Variants in GPAT3 observed in about 807,000 individuals in gnomAD.
GPAT3 encodes 1-AGP acyltransferase 9.
In GPAT3, 53 loss-of-function variants were observed where a neutral mutation model predicts 58.8. The observed-to-expected ratio is 0.90, with a 90% confidence interval of 0.72 to 1.13. The LOEUF (loss-of-function observed/expected upper bound fraction) is 1.13, where lower values mean the gene tolerates loss of function less well. GPAT3 is among the 50% of genes most tolerant of loss of function. GPAT3 has a pLI of 0.00. For missense variants in GPAT3, 511 were observed against 527.6 expected (o/e 0.97, Z 0.31); for synonymous variants, 197 against 187.4 (o/e 1.05, Z -0.42).
At chr4:83,556,803 C>G (rs1724959040) in intron 2 of GPAT3, among the ~76,000 whole-genome samples, 1 of 151,398 alleles carries the variant, frequency 6.6e-6, no homozygotes, top group South Asian at 2.1e-4. Context: ...AAAAGTAAAT[C>G]TATTGCTTCT....
chr4:83,548,416 A>G (rs1267132258), intron 2 of GPAT3, among the ~76,000 whole-genome samples: 1 of 152,222 alleles, frequency 6.6e-6, no homozygotes, highest in Non-Finnish European at 1.5e-5. Context: ...GAATCGGCTC[A>G]TAGCTTTGGT....
intron 2 of GPAT3, among the ~76,000 whole-genome samples, chr4:83,553,728 G>A (rs1560606484): frequency 6.6e-6 from 1 of 151,922 alleles, no homozygotes; most frequent in Admixed American, 6.6e-5. Flanking sequence ...GTGAAACCCT[G>A]TCTCTACAAA....
intron 2 of GPAT3, among the ~76,000 whole-genome samples, chr4:83,579,069 T>C (rs1441015989): frequency 0.04 from 1,546 of 38,500 alleles, 174 homozygotes; most frequent in Admixed American, 0.048. Flanking sequence ...TTTCTTTCTT[T>C]CTTTCTTTCT....
At chr4:83,583,354 A>C (rs1268050596) in intron 3 of GPAT3, among the ~76,000 whole-genome samples, 1 of 151,776 alleles carries the variant, frequency 6.6e-6, no homozygotes, top group Non-Finnish European at 1.5e-5. Context: ...TAGAGCTTCC[A>C]TTTATTCTGT....
chr4:83,574,972 G>A (rs986867467), intron 2 of GPAT3, among the ~76,000 whole-genome samples: 1 of 150,266 alleles, frequency 6.7e-6, no homozygotes, highest in African/African-American at 2.4e-5. Context: ...GCCCCCTGGG[G>A]TTCACGCCAT....
chr4:83,598,751 CTTTTTTT>C (rs70965361), intron 11 of GPAT3, 28 bp downstream of exon 11: 3,606 of 149,338 alleles, frequency 0.024, 1 homozygote, highest in South Asian at 0.039. Flanking sequence ...AGTACTATCA[CTTTTTTT>C]TTTTTTTTTT....
intron 1 of GPAT3, among the ~76,000 whole-genome samples, chr4:83,538,554 T>G (rs917775486): frequency 2.0e-5 from 3 of 152,200 alleles, no homozygotes; most frequent in Admixed American, 6.5e-5. Context: ...ATACCCTGTG[T>G]AAGAATGGTG....
At chr4:83,578,986 T>C (rs1420764240) in intron 2 of GPAT3, among the ~76,000 whole-genome samples, 4 of 131,862 alleles carry the variant, frequency 3.0e-5, no homozygotes, top group Non-Finnish European at 4.7e-5. Context: ...CTTTCTTTCT[T>C]TCCTTCCTTC....
chr4:83,604,823 T>G lies in GPAT3; in HGVS notation c.*56T>G. ...CTAGCCCTTAGAAATGGAATGGCTTTTTTTGTTTTGTTTTGTTTTATTGTT... is the reference window on the plus strand; with the variant it reads ...CTAGCCCTTAGAAATGGAATGGCTTGTTTTGTTTTGTTTTGTTTTATTGTT... On this transcript the variant is annotated 3_prime_UTR_variant, in exon 12 of 12. Transcript: ENST00000264409. The G allele has an allele frequency of 7.4e-7, 1 of 1,350,472 alleles. No individual in the cohort carries two copies. The highest frequency in any genetic ancestry group is 1.0e-6 in the Non-Finnish European group (1 of 963,138). The allele number at this position is 1,350,472 out of a possible 1,614,324, so 83.7% of individuals were successfully genotyped here. A position where few individuals can be genotyped will look rare whatever the true frequency, so the allele number is the denominator to read the frequency against.
chr4:83,581,481 C>T (rs1326130833), intron 2 of GPAT3, 81 bp from the exon 3 acceptor site: 1 of 1,456,794 alleles, frequency 6.9e-7, no homozygotes, highest in African/African-American at 1.4e-5. Context: ...GCATATTTAA[C>T]TTCTACACAG....
intron 2 of GPAT3, among the ~76,000 whole-genome samples, chr4:83,552,973 C>A (rs948879091): frequency 5.9e-5 from 9 of 152,114 alleles, no homozygotes; most frequent in Non-Finnish European, 1.3e-4. Context: ...GGAAAGAGAG[C>A]CCTCACCAGA....
intron 11 of GPAT3, among the ~76,000 whole-genome samples, chr4:83,601,135 C>T (rs1341135928): frequency 6.6e-6 from 1 of 152,128 alleles, no homozygotes; most frequent in Non-Finnish European, 1.5e-5. Context: ...TAGGCTGTGA[C>T]CTTAAGCAAA....
At chr4:83,563,110 T>C (rs969455446) in intron 2 of GPAT3, among the ~76,000 whole-genome samples, 1 of 152,236 alleles carries the variant, frequency 6.6e-6, no homozygotes, top group Admixed American at 6.5e-5. Context: ...AGTTTTACTT[T>C]GTTTTATCTT....
intron 3 of GPAT3, 78 bp downstream of exon 3, chr4:83,581,910 A>T: frequency 6.5e-7 from 1 of 1,529,912 alleles, no homozygotes; most frequent in Non-Finnish European, 8.8e-7. Context: ...TGGCCACGTA[A>T]GTGTTCTGTG....
chr4:83,540,560 G>A (rs552054747), intron 1 of GPAT3, among the ~76,000 whole-genome samples: 1 of 152,324 alleles, frequency 6.6e-6, no homozygotes, highest in East Asian at 1.9e-4. Flanking sequence ...CATTGCAGAG[G>A]CCTAAAATAT....
chr4:83,536,770 G>T lies in GPAT3; in HGVS notation c.141+7G>T. The T allele has an allele frequency of 6.2e-7, 1 of 1,604,460 alleles. No individual in the cohort carries two copies. Among genetic ancestry groups the T allele is most frequent in the Non-Finnish European group, 8.5e-7 (1 of 1,175,870 alleles). ...CCTAGTGAAAACTTTAGAGGTGAGT[G>T]CCGGGAGGGATGCAGCCAGCCCCAC... is the stretch of plus-strand genomic sequence containing the variant. On this transcript the variant is annotated splice_region_variant and intron_variant, in intron 1 of 11. Transcript: ENST00000264409.
chr4:83,546,302 G>A (rs1345988855), intron 2 of GPAT3, among the ~76,000 whole-genome samples: 2 of 151,546 alleles, frequency 1.3e-5, no homozygotes, highest in African/African-American at 4.9e-5. Flanking sequence ...GAGTTTTAAA[G>A]GACACAAAGT....
intron 2 of GPAT3, among the ~76,000 whole-genome samples, chr4:83,569,731 G>GC (rs1320187841): frequency 1.3e-5 from 2 of 152,130 alleles, no homozygotes; most frequent in Non-Finnish European, 2.9e-5. Context: ...ACTGCCCAGG[G>GC]CATGGTTTTG....
chr4:83,571,370 C>T (rs1725597161), intron 2 of GPAT3, among the ~76,000 whole-genome samples: 1 of 152,084 alleles, frequency 6.6e-6, no homozygotes, highest in South Asian at 2.1e-4. Context: ...AATGTTTGTG[C>T]ACTCTCAGCA....
Sources: allele counts gnomAD v4.1 joint callset (sites outside exome capture counted in the v4.1 genomes callset), GRCh38; gene constraint gnomAD v4.1.1; transcripts MANE v1.5; gene names NCBI Gene and HGNC (gene_info 2026-07-23, HGNC 2026-07-21).